Variants in PPM1A observed in about 807,000 individuals in gnomAD.
PPM1A encodes the protein protein phosphatase 1A.
In PPM1A, 7 loss-of-function variants were observed where a neutral mutation model predicts 35.0. That is an observed-to-expected ratio of 0.20 (90% CI 0.11 to 0.38). PPM1A has a LOEUF of 0.38. Among genes scored for constraint, PPM1A ranks in the 10% least tolerant of loss-of-function variants. The pLI is 1.00. For missense variants in PPM1A, 239 were observed against 467.8 expected (o/e 0.51, Z 4.51); for synonymous variants, 153 against 167.3 (o/e 0.91, Z 0.66).
At chr14:60,286,524 AAAAC>A in intron 3 of PPM1A, 5 of 985,300 alleles carry the variant, frequency 5.1e-6, no homozygotes, top group Non-Finnish European at 6.0e-6. Flanking sequence ...AGGTAGAAAA[AAAAC>A]AAGAAAAAAA....
At position 60,283,620 on chromosome 14, in the gene PPM1A, T is replaced by A; in HGVS notation, c.834+83T>A. The A allele has an allele frequency of 7.0e-7, 1 of 1,423,560 alleles. No individual in the cohort carries two copies. The highest frequency in any genetic ancestry group is 1.4e-5 in the South Asian group (1 of 71,024). 88.2% of individuals were successfully genotyped at this position (1,423,560 alleles called of 1,614,324 possible). The stretch of plus-strand genomic sequence containing the variant: ...TAGTATTTAATCATCTTAGAATCTG[T>A]AATTCTGAAACCAGTTTTTGGCACA... On this transcript the variant is annotated intron_variant, in intron 2 of 5. Coordinates refer to ENST00000395076, the MANE Select transcript of PPM1A (RefSeq NM_021003.5). This position sits in a 1 kb window ranked among gnomAD's most constrained non-coding sequence, Gnocchi z 6.3.
In PPM1A at chr14:60,293,132, A is replaced by G. The variant is rs1422781719; in HGVS notation, c.*650A>G. On this transcript the variant is annotated 3_prime_UTR_variant, in exon 6 of 6. Transcript: ENST00000395076. This position sits in a 1 kb window ranked among gnomAD's most constrained non-coding sequence, Gnocchi z 4.0. ...TTCCATGAGTATTGCAGGTAATAAT[A>G]CAGTGTATTCATAAGAATCTCAATC... 1 of 152,048 alleles carries G rather than the reference A, an allele frequency of 6.6e-6. No homozygotes were observed. Among genetic ancestry groups the G allele is most frequent in the Non-Finnish European group, 1.5e-5 (1 of 67,962 alleles). The allele number at this position is 152,048 out of a possible 1,614,324, so 9.4% of individuals were successfully genotyped here.
chr14:60,283,630 A>C lies in PPM1A; in HGVS notation c.834+93A>C. 1 of 1,365,230 alleles carries C rather than the reference A, an allele frequency of 7.3e-7. No individual in the cohort carries two copies. The highest frequency in any genetic ancestry group is 9.9e-7 in the Non-Finnish European group (1 of 1,014,104). The allele number at this position is 1,365,230 out of a possible 1,614,324, so 84.6% of individuals were successfully genotyped here. ...TCATCTTAGAATCTGTAATTCTGAA[A>C]CCAGTTTTTGGCACAACTGTAGGAT... On this transcript the variant is annotated intron_variant, in intron 2 of 5. Transcript: ENST00000395076. This position sits in a 1 kb window ranked among gnomAD's most constrained non-coding sequence, Gnocchi z 6.3.
chr14:60,249,165 CG>C (rs1882005313), upstream of PPM1A: 1 of 916,434 alleles, frequency 1.1e-6, no homozygotes, highest in African/African-American at 1.8e-5. The surrounding 1 kb of genome is among the most constrained non-coding windows in gnomAD (Gnocchi z 4.5). Flanking sequence ...GCGGGGCGAG[CG>C]GAGGGGTGGG....
At chr14:60,260,021 T>A (rs1212553940) in intron 1 of PPM1A, among the ~76,000 whole-genome samples, 1 of 152,106 alleles carries the variant, frequency 6.6e-6, no homozygotes, top group Non-Finnish European at 1.5e-5. Context: ...GTGTGTTCAC[T>A]TGCACTTTGT....
Position 60,282,544 on chromosome 14 carries a change from C to A in PPM1A, c.-20-140C>A, listed in dbSNP as rs1476899214. On this transcript the variant is annotated intron_variant, in intron 1 of 5. Coordinates refer to ENST00000395076, the MANE Select transcript of PPM1A (RefSeq NM_021003.5). This position sits in a 1 kb window ranked among gnomAD's most constrained non-coding sequence, Gnocchi z 5.1. ...GTTCCTCCTTGTTAATCTCCAGATT[C>A]CAAGTCAGCAACACAATGAATGTCT... 3 of 1,091,494 alleles carry A rather than the reference C, an allele frequency of 2.7e-6. No individual in the cohort carries two copies. Among genetic ancestry groups the A allele is most frequent in the African/African-American group, 1.6e-5 (1 of 62,924 alleles). 67.6% of individuals were successfully genotyped at this position (1,091,494 alleles called of 1,614,324 possible).
Position 60,249,961 on chromosome 14 carries a change from A to T in PPM1A, c.-21+284A>T, listed in dbSNP as rs1887686158. 6.6e-6 allele frequency among the ~76,000 whole-genome samples: 1 copy of T among 150,826 alleles called. No homozygotes were observed. Among genetic ancestry groups the T allele is most frequent in the African/African-American group, 2.4e-5 (1 of 41,056 alleles). On this transcript the variant is annotated intron_variant, in intron 1 of 5. Coordinates refer to ENST00000395076, the MANE Select transcript of PPM1A (RefSeq NM_021003.5). This position sits in a 1 kb window ranked among gnomAD's most constrained non-coding sequence, Gnocchi z 4.5. Reference sequence around the variant, plus strand: ...GACCCTCTGGCCGTCCGCGGCCGAGATGGGTGTTTGTGGCGGCGAAGCAGG... The same window carrying T: ...GACCCTCTGGCCGTCCGCGGCCGAGTTGGGTGTTTGTGGCGGCGAAGCAGG...
intron 5 of PPM1A, among the ~76,000 whole-genome samples, chr14:60,291,751 T>G (rs1368521484): frequency 1.7e-5 from 2 of 120,430 alleles, no homozygotes; most frequent in Non-Finnish European, 3.5e-5. Context: ...CACTACATGG[T>G]TTTTTTTTTT....
chr14:60,248,159 G>A (rs549213880), upstream of PPM1A, among the ~76,000 whole-genome samples: 6 of 152,234 alleles, frequency 3.9e-5, no homozygotes, highest in African/African-American at 1.4e-4. Flanking sequence ...TTCTATCCCC[G>A]GCGTCTGCAA....
chr14:60,285,529 A>G (rs1886919738), intron 2 of PPM1A, 95 bp from the exon 3 acceptor site: 1 of 1,288,586 alleles, frequency 7.8e-7, no homozygotes, highest in Non-Finnish European at 1.1e-6. Flanking sequence ...TTTCACTAGA[A>G]CAAGTATAAC....
In PPM1A at chr14:60,293,530, G is replaced by A. The variant is rs1209206530; in HGVS notation, c.*1048G>A. The A allele has an allele frequency of 2.0e-5, 3 of 151,892 alleles. No individual in the cohort carries two copies. Among genetic ancestry groups the A allele is most frequent in the African/African-American group, 4.8e-5 (2 of 41,378 alleles). The allele number at this position is 151,892 out of a possible 1,614,324, so 9.4% of individuals were successfully genotyped here. A position where few individuals can be genotyped will look rare whatever the true frequency, so the allele number is the denominator to read the frequency against. ...AGAAAGACTAAAAGATTTAATTCTTGGTTGTACCTTAATCTATTTTTTAAA... is the reference window on the plus strand; with the variant it reads ...AGAAAGACTAAAAGATTTAATTCTTAGTTGTACCTTAATCTATTTTTTAAA... On this transcript the variant is annotated 3_prime_UTR_variant, in exon 6 of 6. Coordinates refer to ENST00000395076, the MANE Select transcript of PPM1A (RefSeq NM_021003.5). The surrounding 1 kb of genome is among the most constrained non-coding windows in gnomAD (Gnocchi z 4.0).
intron 1 of PPM1A, among the ~76,000 whole-genome samples, chr14:60,252,184 G>C (rs1343565071): frequency 6.6e-6 from 1 of 152,128 alleles, no homozygotes; most frequent in Non-Finnish European, 1.5e-5. Flanking sequence ...TTAACTGTGC[G>C]TGCATATTTG....
At chr14:60,262,845 T>C (rs929719343) in intron 1 of PPM1A, among the ~76,000 whole-genome samples, 7 of 152,242 alleles carry the variant, frequency 4.6e-5, no homozygotes, top group African/African-American at 1.7e-4. Flanking sequence ...GCACTATCAT[T>C]GTGCTGGTAT....
rs1888155487 is a variant in PPM1A, at chr14:60,297,659, C to T, written c.*5177C>T. The stretch of plus-strand genomic sequence containing the variant: ...TTTAGTAACGTGCATTTGTATGGTA[C>T]TATCTAAAGTAAGTTAGATTGATGT... On this transcript the variant is annotated 3_prime_UTR_variant, in exon 6 of 6. Transcript: ENST00000395076. The T allele has an allele frequency of 6.6e-6, 1 of 151,648 alleles. No individual in the cohort carries two copies. Among genetic ancestry groups the T allele is most frequent in the African/African-American group, 2.4e-5 (1 of 41,384 alleles). The allele number at this position is 151,648 out of a possible 1,614,324, so 9.4% of individuals were successfully genotyped here. A position where few individuals can be genotyped will look rare whatever the true frequency, so the allele number is the denominator to read the frequency against.
At chr14:60,287,188 T>C (rs929130351) in intron 3 of PPM1A, 1 of 940,610 alleles carries the variant, frequency 1.1e-6, no homozygotes, top group Non-Finnish European at 1.3e-6. Flanking sequence ...TTCTCTTTAG[T>C]GTGTACACTT....
chr14:60,269,692 G>T (rs1221072878), intron 1 of PPM1A, among the ~76,000 whole-genome samples: 1 of 152,100 alleles, frequency 6.6e-6, no homozygotes, highest in Non-Finnish European at 1.5e-5. Context: ...GGGATTACAG[G>T]CGTGCGTTAT....
Position 60,285,710 on chromosome 14 carries a change from G to T in PPM1A, c.921G>T (p.Glu307Asp), listed in dbSNP as rs761975180. The T allele has an allele frequency of 2.5e-6, 4 of 1,614,036 alleles. No individual in the cohort carries two copies. The Admixed American group carries it at 6.7e-5, about 27-fold the overall frequency. Residue 307 changes from glutamate (E) to aspartate (D), a missense_variant, in exon 3 of 6, where the codon GAG becomes GAT. Physicochemically the swap from Glu to Asp is conservative, Grantham distance 45 (BLOSUM62 2). Around this residue, in one of 2 missense-constraint regions of PPM1A, gnomAD observed 175 missense variants for 389.2 expected, o/e 0.45. Coordinates refer to ENST00000395076, the MANE Select transcript of PPM1A (RefSeq NM_021003.5). ...CAGAAGCAGTGAAGAAGGAGGCAGA[G>T]TTGGACAAGTACCTGGAATGCAGAG... is the stretch of plus-strand genomic sequence containing the variant. The part of the protein sequence containing the change: ...VSPEAVKKEA[E>D]LDKYLECRVE...
In PPM1A at chr14:60,251,254, T is replaced by C. The variant is rs78079559; in HGVS notation, c.-21+1577T>C. Among the ~76,000 whole-genome samples, 544 of 152,344 alleles carry C rather than the reference T, an allele frequency of 3.6e-3. 3 individuals are homozygous for C. Among genetic ancestry groups the C allele is most frequent in the African/African-American group, 0.012 (505 of 41,566 alleles). On this transcript the variant is annotated intron_variant, in intron 1 of 5. Transcript: ENST00000395076. Reference sequence around the variant, plus strand: ...ATTTTAATTTGATATCATAAAACATTTTTAGATCGGTGAAGTAATTATATT... The same window carrying C: ...ATTTTAATTTGATATCATAAAACATCTTTAGATCGGTGAAGTAATTATATT...
At chr14:60,276,787 T>G (rs1885811959) in intron 1 of PPM1A, among the ~76,000 whole-genome samples, 1 of 152,224 alleles carries the variant, frequency 6.6e-6, no homozygotes, top group East Asian at 1.9e-4. Flanking sequence ...TTATTCACTA[T>G]AATTCTGAGT....
Sources: gnomAD v4.1 joint callset for allele counts (sites outside exome capture counted in the v4.1 genomes callset) on GRCh38, gnomAD v4.1.1 for gene constraint, gnomAD v4.1.1 regional missense constraint, Gnocchi (gnomAD v3.1) non-coding constraint, MANE v1.5 for transcripts, NCBI Gene and HGNC (gene_info 2026-07-23, HGNC 2026-07-21) for gene names.